PCDH9: variants seen among roughly 807,000 people sequenced by gnomAD.
The protein encoded by PCDH9 is protocadherin-9.
In PCDH9, 24 loss-of-function variants were observed where a neutral mutation model predicts 70.6. The ratio of observed to expected loss-of-function variants is 0.34; its 90% CI spans 0.25 to 0.48. The LOEUF is 0.48. Ranked by LOEUF, PCDH9 falls within the 20% of genes least tolerant of loss-of-function variation. The pLI is 0.99. For missense variants in PCDH9, 1,281 were observed against 1,503.6 expected (o/e 0.85, Z 2.45); for synonymous variants, 562 against 558.5 (o/e 1.01, Z -0.09).
At chr13:66,854,428 G>C (rs2081362254) in intron 3 of PCDH9, among the ~76,000 whole-genome samples, 1 of 152,110 alleles carries the variant, frequency 6.6e-6, no homozygotes, top group South Asian at 2.1e-4. Flanking sequence ...CTATATTCGT[G>C]AATGTATATA....
intron 4 of PCDH9, among the ~76,000 whole-genome samples, chr13:66,609,776 C>T (rs899343517): frequency 6.6e-6 from 1 of 151,890 alleles, no homozygotes; most frequent in Non-Finnish European, 1.5e-5. Flanking sequence ...GTCAAACATT[C>T]ATATATTCAT....
chr13:66,589,661 G>C (rs1350372392), intron 4 of PCDH9, among the ~76,000 whole-genome samples: 1 of 151,968 alleles, frequency 6.6e-6, no homozygotes, highest in Non-Finnish European at 1.5e-5. Flanking sequence ...GGAGAGGTAG[G>C]GATGCTGGTG....
intron 2 of PCDH9, among the ~76,000 whole-genome samples, chr13:67,027,902 T>C (rs1399934905): frequency 1.3e-5 from 2 of 151,538 alleles, no homozygotes; most frequent in African/African-American, 4.8e-5. Context: ...TGGCAATCAT[T>C]AAAAAGTCAG....
At chr13:67,019,843 C>G (rs1228714243) in intron 2 of PCDH9, among the ~76,000 whole-genome samples, 3 of 152,274 alleles carry the variant, frequency 2.0e-5, no homozygotes, top group South Asian at 2.1e-4. Context: ...AAGCACACTT[C>G]AGGGACAATG....
At chr13:67,208,163 A>C (rs2089395364) in intron 2 of PCDH9, 1 of 152,210 alleles carries the variant, frequency 6.6e-6, no homozygotes, top group Non-Finnish European at 1.5e-5. Flanking sequence ...CCATCTTCTA[A>C]CCTTGCCAGA....
intron 3 of PCDH9, among the ~76,000 whole-genome samples, chr13:66,653,084 G>A (rs780191035): frequency 2.0e-5 from 3 of 152,100 alleles, no homozygotes; most frequent in Non-Finnish European, 4.4e-5. Context: ...AGTGGTATGG[G>A]CAAAGATTTC....
chr13:66,820,565 A>T (rs2080693274), intron 3 of PCDH9, among the ~76,000 whole-genome samples: 1 of 152,206 alleles, frequency 6.6e-6, no homozygotes, highest in East Asian at 1.9e-4. Flanking sequence ...TTGTTGCAGC[A>T]CTATTCACAA....
In PCDH9 at chr13:67,225,972, G is replaced by A. The variant is rs537495849; in HGVS notation, c.2469C>T (p.Ala823=). The A allele has an allele frequency of 1.4e-5, 22 of 1,613,974 alleles. 1 individual carries two copies. In the South Asian group the frequency reaches 2.0e-4, roughly 15 times the overall value. Reference sequence around the variant, plus strand: ...CGAAGATCACAACAATGACCACCATGGCACCGGCGATGATGGCAATCATGA... The same window carrying A: ...CGAAGATCACAACAATGACCACCATAGCACCGGCGATGATGGCAATCATGA... The part of the protein sequence containing the change: ...LTIMIAIIAG[A]MVVIVVIFVT... Residue 823 remains alanine (A), a synonymous_variant, in exon 2 of 5, where the codon GCC becomes GCT. Coordinates refer to ENST00000377865, the MANE Select transcript of PCDH9 (RefSeq NM_203487.3).
intron 2 of PCDH9, among the ~76,000 whole-genome samples, chr13:67,021,269 T>G (rs1022758311): frequency 1.3e-5 from 2 of 152,140 alleles, no homozygotes; most frequent in Admixed American, 1.3e-4. Flanking sequence ...GTTGAAGAGA[T>G]TAAGTGGAAT....
At chr13:66,384,375 G>T (rs1019463563) in intron 4 of PCDH9, among the ~76,000 whole-genome samples, 1 of 152,060 alleles carries the variant, frequency 6.6e-6, no homozygotes, top group African/African-American at 2.4e-5. Flanking sequence ...ATATTATGAT[G>T]AATGTTAAAC....
At chr13:66,645,024 G>A (rs955339615) in intron 3 of PCDH9, among the ~76,000 whole-genome samples, 3 of 152,010 alleles carry the variant, frequency 2.0e-5, no homozygotes, top group East Asian at 1.9e-4. Context: ...ATCATAGAGC[G>A]TACTGTCTGT....
intron 4 of PCDH9, among the ~76,000 whole-genome samples, chr13:66,542,215 C>T (rs1285366945): frequency 4.6e-5 from 7 of 152,018 alleles, no homozygotes; most frequent in Non-Finnish European, 1.0e-4. Flanking sequence ...AATATTTCCA[C>T]TAGTGACCTA....
At chr13:67,206,165 T>C (rs1203327330) in intron 2 of PCDH9, 1 of 152,208 alleles carries the variant, frequency 6.6e-6, no homozygotes, top group African/African-American at 2.4e-5. Flanking sequence ...TAAAGTTTTT[T>C]TTTTTGTTTG....
intron 4 of PCDH9, among the ~76,000 whole-genome samples, chr13:66,408,441 T>A (rs979401665): frequency 1.3e-5 from 2 of 152,198 alleles, no homozygotes; most frequent in East Asian, 3.8e-4. Context: ...TGGATATACA[T>A]TTTCATAAAC....
intron 3 of PCDH9, among the ~76,000 whole-genome samples, chr13:66,780,074 T>C (rs1189643734): frequency 6.6e-6 from 1 of 151,792 alleles, no homozygotes; most frequent in African/African-American, 2.4e-5. Flanking sequence ...GTGTATGGGA[T>C]TCATTGTAAA....
chr13:66,442,168 C>T (rs1226730893), intron 4 of PCDH9, among the ~76,000 whole-genome samples: 1 of 152,134 alleles, frequency 6.6e-6, no homozygotes, highest in Non-Finnish European at 1.5e-5. Context: ...CTGGCTGCCA[C>T]ATACATCAAT....
At position 66,855,653 on chromosome 13, in the gene PCDH9, G is replaced by A. The variant is rs904458915; in HGVS notation, c.3138+47851C>T. Among the ~76,000 whole-genome samples the A allele has an allele frequency of 1.2e-4, 18 of 151,954 alleles. No individual in the cohort carries two copies. The East Asian group carries it at 2.1e-3, about 18-fold the overall frequency. Reference sequence around the variant, plus strand: ...AACCTCTTAATTATGTGTTATTATTGTCCTTATTATCCCAACTTACTGACA... The same window carrying A: ...AACCTCTTAATTATGTGTTATTATTATCCTTATTATCCCAACTTACTGACA... On this transcript the variant is annotated intron_variant, in intron 3 of 4. Coordinates refer to ENST00000377865, the MANE Select transcript of PCDH9 (RefSeq NM_203487.3).
intron 3 of PCDH9, among the ~76,000 whole-genome samples, chr13:66,781,530 A>G (rs191945829): frequency 7.9e-5 from 12 of 152,310 alleles, no homozygotes; most frequent in Non-Finnish European, 1.5e-4. Context: ...AGAGTTTATT[A>G]GCTCAGCACT....
intron 2 of PCDH9, among the ~76,000 whole-genome samples, chr13:66,983,743 A>G (rs1334231138): frequency 3.3e-5 from 5 of 152,016 alleles, no homozygotes; most frequent in Non-Finnish European, 7.4e-5. Context: ...AGGTAAACTC[A>G]TTGCACAGGG....
Sources: allele counts gnomAD v4.1 joint callset (sites outside exome capture counted in the v4.1 genomes callset), GRCh38; gene constraint gnomAD v4.1.1; transcripts MANE v1.5; gene names NCBI Gene and HGNC (gene_info 2026-07-23, HGNC 2026-07-21).